The following NWD1 variants were observed in gnomAD, a reference collection of about 807,000 sequenced individuals.
The protein encoded by NWD1 is NACHT and WD repeat domain containing 1.
NWD1 carries 129 observed loss-of-function variants against 135.1 expected under a neutral mutation model. The observed-to-expected ratio is 0.96, with a 90% CI of 0.83 to 1.11. NWD1 has a LOEUF of 1.11. Among genes scored for constraint, NWD1 ranks in the 50% least tolerant of loss-of-function variants. NWD1 has a pLI of 0.00. For missense variants in NWD1, 1,740 were observed against 1,851.3 expected (o/e 0.94, Z 1.10); for synonymous variants, 773 against 786.0 (o/e 0.98, Z 0.28).
At chr19:16,784,357 C>T (rs1049066953) in intron 12 of NWD1, among the ~76,000 whole-genome samples, 1 of 151,852 alleles carries the variant, frequency 6.6e-6, no homozygotes, top group Non-Finnish European at 1.5e-5. Context: ...CACAGCCAGA[C>T]CCGTATCTCT....
rs1206656027 is a variant in NWD1, at chr19:16,779,343, G to T, written c.2609G>T (p.Gly870Val). The T allele has an allele frequency of 6.2e-7, 1 of 1,613,856 alleles. No individual in the cohort carries two copies. Among genetic ancestry groups the T allele is most frequent in the Admixed American group, 1.7e-5 (1 of 59,990 alleles). Residue 870 changes from glycine (G) to valine (V), a missense_variant and splice_region_variant, in exon 12 of 19, where the codon GGC becomes GTC. By Grantham distance (109) the Gly-to-Val change is moderately radical (BLOSUM62 -3). Coordinates refer to ENST00000524140, the MANE Select transcript of NWD1 (RefSeq NM_001007525.5). ...TGCTGTTGCCTCTGTGTGGCTGCAG[G>T]CATCACCGCCATGGCATGGGGTGTG... ...LRATLSGCHKGITAMAWGVEE... is the reference protein window; with the variant it reads ...LRATLSGCHKVITAMAWGVEE...
intron 12 of NWD1, among the ~76,000 whole-genome samples, chr19:16,780,687 T>G (rs1227745096): frequency 1.3e-5 from 2 of 152,062 alleles, no homozygotes; most frequent in African/African-American, 4.8e-5. Context: ...TGACAGGGTG[T>G]TGCTCTGTTG....
chr19:16,728,018 G>T (rs1365052660), intron 2 of NWD1, among the ~76,000 whole-genome samples: 2 of 151,758 alleles, frequency 1.3e-5, no homozygotes, highest in Non-Finnish European at 2.9e-5. Flanking sequence ...CCAAGATCGC[G>T]CCATAGCACT....
At chr19:16,720,920 G>A (rs762509381) in intron 1 of NWD1, among the ~76,000 whole-genome samples, 3 of 151,714 alleles carry the variant, frequency 2.0e-5, no homozygotes, top group Non-Finnish European at 4.4e-5. Context: ...GCACGATCTC[G>A]GCTCACTGCA....
chr19:16,730,642 A>G (rs1322442918), intron 2 of NWD1, among the ~76,000 whole-genome samples: 2 of 152,236 alleles, frequency 1.3e-5, no homozygotes, highest in African/African-American at 2.4e-5. Context: ...GACTGATGCT[A>G]GGAGTTTGAG....
intron 6 of NWD1, among the ~76,000 whole-genome samples, chr19:16,756,842 C>T (rs906653930): frequency 4.6e-5 from 7 of 152,102 alleles, no homozygotes; most frequent in African/African-American, 1.7e-4. Context: ...CTCATCACTC[C>T]CATTACCACC....
At position 16,815,096 on chromosome 19, in the gene NWD1, A is replaced by G. The variant is rs775811280; in HGVS notation, c.*57A>G. On this transcript the variant is annotated 3_prime_UTR_variant, in exon 19 of 19. Coordinates refer to ENST00000524140, the MANE Select transcript of NWD1 (RefSeq NM_001007525.5). ...AATCATCCCAACCACCAGTGGCTTC[A>G]TTGCCCCCACCAGGCATGGTTATCT... 6.4e-7 allele frequency: 1 copy of G among 1,555,858 alleles called. No individual in the cohort carries two copies. Among genetic ancestry groups the G allele is most frequent in the Non-Finnish European group, 8.9e-7 (1 of 1,126,960 alleles).
rs1396718786 is a variant in NWD1, at chr19:16,773,313, C to T, written c.2598C>T (p.Gly866=). 1 of 1,612,280 alleles carries T rather than the reference C, an allele frequency of 6.2e-7. No homozygotes were observed. Among genetic ancestry groups the T allele is most frequent in the East Asian group, 2.2e-5 (1 of 44,862 alleles). The change falls in exon 11 of 19, where the codon GGC becomes GGT. Residue 866 remains glycine, a synonymous_variant. Coordinates refer to ENST00000524140, the MANE Select transcript of NWD1 (RefSeq NM_001007525.5). ...PGGPLRATLS[G]CHKGITAMAW... is the part of the protein sequence containing the mutation. Reference sequence around the variant, plus strand: ...GACCCCTCCGGGCAACTCTCAGCGGCTGTCACAAAGGTGAGTCTCCCCAGC... The same window carrying T: ...GACCCCTCCGGGCAACTCTCAGCGGTTGTCACAAAGGTGAGTCTCCCCAGC...
intron 5 of NWD1, among the ~76,000 whole-genome samples, chr19:16,746,402 C>T (rs542764637): frequency 2.3e-4 from 34 of 145,682 alleles, no homozygotes; most frequent in African/African-American, 7.9e-4. Context: ...TGGCCGGGTG[C>T]GGTGGCTCAT....
intron 8 of NWD1, 148 bp from the exon 9 acceptor site, chr19:16,763,680 C>T (rs1869660515): frequency 1.6e-6 from 1 of 623,030 alleles, no homozygotes; most frequent in Admixed American, 2.5e-5. Context: ...CCAGCCCTGA[C>T]CAATGGGCAC....
rs916596868 is a variant in NWD1 at position 16,788,967 on chromosome 19, C to T, written c.2732-15C>T. 6.2e-7 allele frequency: 1 copy of T among 1,604,044 alleles called. No individual in the cohort carries two copies. Among genetic ancestry groups the T allele is most frequent in the Non-Finnish European group, 8.5e-7 (1 of 1,172,656 alleles). On this transcript the variant is annotated splice_polypyrimidine_tract_variant and intron_variant, in intron 12 of 18. Transcript: ENST00000524140. ...TCCCAGCTAATATACTCTCCCCTACCCTGGCCTGCTGCAGGAGAGGTGAGG... is the reference window on the plus strand; with the variant it reads ...TCCCAGCTAATATACTCTCCCCTACTCTGGCCTGCTGCAGGAGAGGTGAGG...
At chr19:16,772,618 C>T (rs1010250414) in intron 10 of NWD1, among the ~76,000 whole-genome samples, 1 of 152,002 alleles carries the variant, frequency 6.6e-6, no homozygotes, top group Non-Finnish European at 1.5e-5. Context: ...TGCACTCCAA[C>T]CTAGGTGACA....
chr19:16,755,227 T>G (rs996359926), intron 6 of NWD1, among the ~76,000 whole-genome samples: 2 of 151,636 alleles, frequency 1.3e-5, no homozygotes, highest in African/African-American at 2.4e-5. Flanking sequence ...CTCTCTTTTT[T>G]GGGGGGGGAC....
intron 12 of NWD1, among the ~76,000 whole-genome samples, chr19:16,784,584 A>G (rs1282817766): frequency 6.6e-6 from 1 of 152,046 alleles, no homozygotes; most frequent in Admixed American, 6.6e-5. Flanking sequence ...TGGCGGGTCT[A>G]CAGAACAGCA....
At position 16,750,009 on chromosome 19, in the gene NWD1, T is replaced by C. The variant is rs1968502705; in HGVS notation, c.1367T>C (p.Leu456Pro). The change falls in exon 6 of 19, where the codon CTC becomes CCC. Residue 456 changes from leucine to proline, a missense_variant. By Grantham distance (98) the Leu-to-Pro change is moderately conservative. Coordinates refer to ENST00000524140, the MANE Select transcript of NWD1 (RefSeq NM_001007525.5). ...GCTCGGAGGGTTCCCTGGCTGCCTC[T>C]CAACTGCCCCCCGAGGGTGCACCTC... ...RHARRVPWLP[L>P]NCPPRVHLIL... 6.2e-7 allele frequency: 1 copy of C among 1,613,752 alleles called. No individual in the cohort carries two copies. Among genetic ancestry groups the C allele is most frequent in the South Asian group, 1.1e-5 (1 of 91,080 alleles).
chr19:16,759,523 A>C, intron 7 of NWD1, 95 bp downstream of exon 7: 1 of 851,672 alleles, frequency 1.2e-6, no homozygotes, highest in Non-Finnish European at 1.9e-6. Flanking sequence ...CAGATCCTTC[A>C]CTTACCATTC....
At chr19:16,811,613 GA>G (rs1340278975) in intron 18 of NWD1, among the ~76,000 whole-genome samples, 1 of 150,584 alleles carries the variant, frequency 6.6e-6, no homozygotes, top group Non-Finnish European at 1.5e-5. Flanking sequence ...AAGAAAGAAA[GA>G]AAAAAGAAAA....
rs1270224257 is a variant in NWD1, at chr19:16,794,480, C to T, written c.3231C>T (p.Asp1077=). The T allele has an allele frequency of 6.2e-7, 1 of 1,611,098 alleles. No individual in the cohort carries two copies. Among genetic ancestry groups the T allele is most frequent in the Admixed American group, 1.7e-5 (1 of 59,846 alleles). The change falls in exon 15 of 19, where the codon GAC becomes GAT. Residue 1077 remains aspartate (D), a synonymous_variant. Transcript: ENST00000524140. The stretch of plus-strand genomic sequence containing the variant: ...CTGCACAGGTTTCCTCCAAAGGGGA[C>T]AGATTGCTGGAGAAGCTTCCAGATG... ...GSISLVSSKG[D]RLLEKLPDAV... is the part of the protein sequence containing the mutation.
chr19:16,797,234 G>A (rs1174781962), intron 15 of NWD1, among the ~76,000 whole-genome samples: 3 of 151,324 alleles, frequency 2.0e-5, no homozygotes, highest in Non-Finnish European at 4.4e-5. Flanking sequence ...CCCCCAACCA[G>A]CTGTGGGCTA....
Sources: allele counts gnomAD v4.1 joint callset (sites outside exome capture counted in the v4.1 genomes callset), GRCh38; gene constraint gnomAD v4.1.1; transcripts MANE v1.5; gene names NCBI Gene and HGNC (gene_info 2026-07-23, HGNC 2026-07-21).